Variants in POFUT3 observed in about 807,000 individuals in gnomAD.
POFUT3 encodes the protein GDP-fucose protein O-fucosyltransferase 3.
chr8:33,335,149 ATATGTGTG>A, the POFUT3 span, among the ~76,000 whole-genome samples: 8 of 110,624 alleles, frequency 7.2e-5, no homozygotes, highest in Non-Finnish European at 1.5e-4. Context: ...AAAAAGAAAT[ATATGTGTG>A]TGTGTGTGTG....
the POFUT3 span, among the ~76,000 whole-genome samples, chr8:33,435,765 CT>C: frequency 1.5e-4 from 23 of 152,242 alleles, no homozygotes; most frequent in African/African-American, 5.1e-4. Flanking sequence ...ATCTACCCAC[CT>C]CGGCCTCCCA....
chr8:33,415,711 C>A, the POFUT3 span, among the ~76,000 whole-genome samples: 3 of 152,138 alleles, frequency 2.0e-5, no homozygotes, highest in Admixed American at 6.5e-5. Context: ...GGATTAAAGT[C>A]CCAGGACCTA....
At chr8:33,417,798 C>T in the POFUT3 span, among the ~76,000 whole-genome samples, 1 of 151,942 alleles carries the variant, frequency 6.6e-6, no homozygotes, top group Non-Finnish European at 1.5e-5. Flanking sequence ...TGACAGGAAA[C>T]GTCTAAGGCA....
the POFUT3 span, among the ~76,000 whole-genome samples, chr8:33,370,252 G>T: frequency 6.6e-6 from 1 of 151,198 alleles, no homozygotes; most frequent in Non-Finnish European, 1.5e-5. Context: ...CTACTTGGGA[G>T]GCTGAGGCAG....
the POFUT3 span, among the ~76,000 whole-genome samples, chr8:33,407,046 C>A: frequency 1.3e-5 from 2 of 152,192 alleles, no homozygotes; most frequent in African/African-American, 4.8e-5. Context: ...ACCATCACAT[C>A]ATCCCCCATG....
the POFUT3 span, among the ~76,000 whole-genome samples, chr8:33,400,888 G>A: frequency 1.8e-4 from 27 of 152,262 alleles, no homozygotes; most frequent in Admixed American, 2.6e-4. Context: ...ACATCGCCAC[G>A]TTTTAATGTT....
At chr8:33,416,357 C>T in the POFUT3 span, among the ~76,000 whole-genome samples, 40 of 152,288 alleles carry the variant, frequency 2.6e-4, no homozygotes, top group Non-Finnish European at 3.8e-4. Context: ...AATCCCAGCA[C>T]TTTGGGAGGC....
the POFUT3 span, among the ~76,000 whole-genome samples, chr8:33,432,604 T>G: frequency 6.6e-6 from 1 of 152,160 alleles, no homozygotes; most frequent in Admixed American, 6.6e-5. Flanking sequence ...GTATTAGAGC[T>G]GGATCTCAAA....
chr8:33,409,515 A>G, the POFUT3 span, among the ~76,000 whole-genome samples: 1 of 152,340 alleles, frequency 6.6e-6, no homozygotes, highest in East Asian at 1.9e-4. Flanking sequence ...CCAGTCCTCC[A>G]TCACTGGAAA....
chr8:33,388,469 T>G, the POFUT3 span, among the ~76,000 whole-genome samples: 7 of 151,302 alleles, frequency 4.6e-5, no homozygotes, highest in African/African-American at 1.7e-4. Context: ...CTCGAGTAGC[T>G]GGGATTACAA....
At chr8:33,395,469 C>T in the POFUT3 span, among the ~76,000 whole-genome samples, 2 of 151,886 alleles carry the variant, frequency 1.3e-5, no homozygotes, top group Non-Finnish European at 2.9e-5. Context: ...GGAGTTTGGC[C>T]ATCCCCGGCC....
the POFUT3 span, among the ~76,000 whole-genome samples, chr8:33,339,253 A>G: frequency 6.6e-6 from 1 of 152,234 alleles, no homozygotes. Flanking sequence ...GGAGAATCAA[A>G]TGGAAATTAT....
chr8:33,439,874 GCA>G, the POFUT3 span, among the ~76,000 whole-genome samples: 1 of 151,708 alleles, frequency 6.6e-6, no homozygotes, highest in African/African-American at 2.4e-5. Context: ...CTCAAAAAAA[GCA>G]AAAAACGAAA....
the POFUT3 span, among the ~76,000 whole-genome samples, chr8:33,314,448 C>T: frequency 2.6e-5 from 4 of 152,120 alleles, no homozygotes; most frequent in African/African-American, 7.2e-5. Flanking sequence ...AGTTTAAATC[C>T]ACCAGTTATT....
the POFUT3 span, among the ~76,000 whole-genome samples, chr8:33,416,288 C>T: frequency 6.6e-6 from 1 of 152,190 alleles, no homozygotes; most frequent in Non-Finnish European, 1.5e-5. Context: ...AGAATAAAAT[C>T]ACACAGGTGG....
At chr8:33,364,940 C>T in the POFUT3 span, among the ~76,000 whole-genome samples, 2 of 152,248 alleles carry the variant, frequency 1.3e-5, no homozygotes, top group African/African-American at 4.8e-5. Flanking sequence ...AAAAAAGAGC[C>T]CACATTGCCA....
At chr8:33,453,467 C>T in the POFUT3 span, 2 of 1,613,076 alleles carry the variant, frequency 1.2e-6, no homozygotes, top group Admixed American at 1.7e-5. Flanking sequence ...CAAACTGGAA[C>T]TTTTAAACTC....
the POFUT3 span, among the ~76,000 whole-genome samples, chr8:33,426,580 T>A: frequency 6.6e-6 from 1 of 152,156 alleles, no homozygotes; most frequent in Admixed American, 6.5e-5. Context: ...TGAGTCCCCA[T>A]CCACTGGGCA....
At chr8:33,428,427 T>C in the POFUT3 span, among the ~76,000 whole-genome samples, 1 of 152,356 alleles carries the variant, frequency 6.6e-6, no homozygotes, top group South Asian at 2.1e-4. Context: ...GACCTTATTA[T>C]CAATGTCAAA....
Sources: gnomAD v4.1 joint callset for allele counts (sites outside exome capture counted in the v4.1 genomes callset) on GRCh38, gnomAD v4.1.1 for gene constraint, MANE v1.5 for transcripts, NCBI Gene and HGNC (gene_info 2026-07-23, HGNC 2026-07-21) for gene names.